COX7B2: variants seen among roughly 807,000 people sequenced by gnomAD.
COX7B2 encodes the protein cytochrome c oxidase subunit 7B2, mitochondrial.
For synonymous variants in COX7B2, 37 were observed against 32.1 expected, an observed-to-expected ratio of 1.15 and a Z score of -0.51; for missense variants, 109 against 95.9, an observed-to-expected ratio of 1.14 and a Z score of -0.57.
chr4:46,801,511 A>C (rs1718656059), intron 2 of COX7B2, among the ~76,000 whole-genome samples: 2 of 152,176 alleles, frequency 1.3e-5, no homozygotes, highest in South Asian at 2.1e-4. Flanking sequence ...CCTACTTATA[A>C]GTGAGAACAC....
intron 2 of COX7B2, among the ~76,000 whole-genome samples, chr4:46,752,088 T>C (rs1218016301): frequency 6.6e-6 from 1 of 152,336 alleles, no homozygotes; most frequent in African/African-American, 2.4e-5. Flanking sequence ...TCCTCTTTTA[T>C]TTCCTTGTGC....
intron 2 of COX7B2, among the ~76,000 whole-genome samples, chr4:46,816,241 C>T (rs1247051946): frequency 6.6e-6 from 1 of 152,126 alleles, no homozygotes; most frequent in Non-Finnish European, 1.5e-5. Flanking sequence ...CATATTCTTC[C>T]TTTAAACCTC....
At chr4:46,749,948 AG>A (rs1203170527) in intron 2 of COX7B2, among the ~76,000 whole-genome samples, 1 of 152,190 alleles carries the variant, frequency 6.6e-6, no homozygotes, top group East Asian at 1.9e-4. Flanking sequence ...CTACCATTAA[AG>A]GAATACCATT....
chr4:46,777,363 G>A (rs984630530), intron 2 of COX7B2, among the ~76,000 whole-genome samples: 9 of 152,038 alleles, frequency 5.9e-5, no homozygotes, highest in South Asian at 2.1e-4. Flanking sequence ...AGCTATAGGG[G>A]AAAGTGGAGT....
intron 1 of COX7B2, among the ~76,000 whole-genome samples, chr4:46,876,402 G>GTATTTT (rs1718336748): frequency 7.1e-6 from 1 of 141,428 alleles, no homozygotes; most frequent in Non-Finnish European, 1.5e-5. Flanking sequence ...CCGTCCTATT[G>GTATTTT]TCTTTTTTTT....
chr4:46,803,451 A>T (rs1174976249), intron 2 of COX7B2, among the ~76,000 whole-genome samples: 2 of 152,098 alleles, frequency 1.3e-5, no homozygotes, highest in Non-Finnish European at 2.9e-5. Flanking sequence ...AGTTACAATG[A>T]TCTAGTTGGC....
At chr4:46,816,713 A>G (rs951046555) in intron 2 of COX7B2, among the ~76,000 whole-genome samples, 1 of 152,228 alleles carries the variant, frequency 6.6e-6, no homozygotes, top group Non-Finnish European at 1.5e-5. Context: ...TAAAGGAATT[A>G]TAGTCTATGA....
chr4:46,769,171 T>G (rs1209548195), intron 2 of COX7B2, among the ~76,000 whole-genome samples: 1 of 152,082 alleles, frequency 6.6e-6, no homozygotes, highest in Non-Finnish European at 1.5e-5. Flanking sequence ...TCAATCCTTC[T>G]CAAACTCTTC....
In COX7B2 at chr4:46,847,255, C is replaced by T. The variant is rs528753037; in HGVS notation, c.-104-2241G>A. Among the ~76,000 whole-genome samples, 15 of 152,020 alleles carry T rather than the reference C, an allele frequency of 9.9e-5. No individual in the cohort carries two copies. In the South Asian group the frequency reaches 2.7e-3, roughly 27 times the overall value. On this transcript the variant is annotated intron_variant, in intron 1 of 2. Coordinates refer to ENST00000355591, the MANE Select transcript of COX7B2 (RefSeq NM_130902.3). ...TGTTTCTAACCAATAGAATATGTGA[C>T]GGTGAGATGTATGTGAAGCAAGCAT...
intron 1 of COX7B2, among the ~76,000 whole-genome samples, chr4:46,894,931 A>T (rs1049795287): frequency 2.0e-5 from 3 of 152,318 alleles, no homozygotes; most frequent in Admixed American, 2.0e-4. Flanking sequence ...CTACAATAAG[A>T]TAGCATCTCA....
At chr4:46,763,689 T>C (rs1560363767) in intron 2 of COX7B2, among the ~76,000 whole-genome samples, 4 of 152,158 alleles carry the variant, frequency 2.6e-5, no homozygotes, top group African/African-American at 2.4e-5. Context: ...TTATATATTA[T>C]ATATGATTTC....
At chr4:46,880,091 G>T (rs1437632753) in intron 1 of COX7B2, among the ~76,000 whole-genome samples, 4 of 152,144 alleles carry the variant, frequency 2.6e-5, no homozygotes, top group African/African-American at 9.7e-5. Flanking sequence ...CTGTGGGTTT[G>T]TCGTAGGTGG....
At chr4:46,764,140 T>A in intron 2 of COX7B2, among the ~76,000 whole-genome samples, 1 of 152,360 alleles carries the variant, frequency 6.6e-6, no homozygotes, top group Non-Finnish European at 1.5e-5. Flanking sequence ...TTTAGCATAG[T>A]TGCTTATTAT....
intron 2 of COX7B2, among the ~76,000 whole-genome samples, chr4:46,804,346 C>G (rs1718857981): frequency 6.6e-6 from 1 of 152,172 alleles, no homozygotes; most frequent in South Asian, 2.1e-4. Context: ...CTCTGGCAGC[C>G]TGCTTTTATT....
chr4:46,787,462 A>T (rs567892178), intron 2 of COX7B2, among the ~76,000 whole-genome samples: 54 of 149,712 alleles, frequency 3.6e-4, no homozygotes, highest in South Asian at 1.5e-3. Flanking sequence ...AAAAAAAAAT[A>T]AAAAAAAAAG....
In COX7B2 at chr4:46,832,792, T is replaced by C. The variant is rs181453565; in HGVS notation, c.-50+12168A>G. 2.4e-4 allele frequency among the ~76,000 whole-genome samples: 37 copies of C among 152,306 alleles called. No individual in the cohort carries two copies. In the East Asian group the frequency reaches 6.0e-3, roughly 25 times the overall value. On this transcript the variant is annotated intron_variant, in intron 2 of 2. Transcript: ENST00000355591. ...CTCTCTCTCACTCCTGCTCTCACCGTGTGACCCACTAGCTCCCCTTCGCCT... is the reference window on the plus strand; with the variant it reads ...CTCTCTCTCACTCCTGCTCTCACCGCGTGACCCACTAGCTCCCCTTCGCCT...
At chr4:46,751,854 T>A (rs1715402211) in intron 2 of COX7B2, among the ~76,000 whole-genome samples, 2 of 152,150 alleles carry the variant, frequency 1.3e-5, no homozygotes, top group South Asian at 2.1e-4. Flanking sequence ...GGTAGCGTGA[T>A]GCCTCCAGCT....
intron 2 of COX7B2, among the ~76,000 whole-genome samples, chr4:46,753,568 T>A (rs997033129): frequency 6.6e-6 from 1 of 151,834 alleles, no homozygotes; most frequent in African/African-American, 2.4e-5. Flanking sequence ...TAATTCAAGA[T>A]GGATTAAAGA....
At chr4:46,803,248 G>A (rs183449334) in intron 2 of COX7B2, among the ~76,000 whole-genome samples, 10 of 152,182 alleles carry the variant, frequency 6.6e-5, no homozygotes, top group East Asian at 5.8e-4. Context: ...GAGGCTTTGC[G>A]CGTAATTTCT....
Sources: gnomAD v4.1 joint callset for allele counts (sites outside exome capture counted in the v4.1 genomes callset) on GRCh38, gnomAD v4.1.1 for gene constraint, MANE v1.5 for transcripts, NCBI Gene and HGNC (gene_info 2026-07-23, HGNC 2026-07-21) for gene names.